LARP1B: variants seen among roughly 807,000 people sequenced by gnomAD.
The protein encoded by LARP1B is La ribonucleoprotein 1B.
Under a neutral mutation model 114.2 loss-of-function variants are expected in LARP1B, and 76 were observed. The observed-to-expected ratio is 0.67, with a 90% CI of 0.55 to 0.81. The LOEUF (loss-of-function observed/expected upper bound fraction) is 0.81, where lower values mean the gene tolerates loss of function less well. Among genes scored for constraint, LARP1B ranks in the 30% least tolerant of loss-of-function variants. The pLI is 0.00. For synonymous variants in LARP1B, 345 were observed against 348.0 expected, an observed-to-expected ratio of 0.99 and a Z score of 0.10; for missense variants, 1,014 against 1,075.8, an observed-to-expected ratio of 0.94 and a Z score of 0.80.
intron 5 of LARP1B, among the ~76,000 whole-genome samples, chr4:128,087,360 C>T (rs1305888741): frequency 6.6e-6 from 1 of 151,946 alleles, no homozygotes; most frequent in Non-Finnish European, 1.5e-5. Flanking sequence ...GATAAGAAGG[C>T]CTAAGGAAAT....
At chr4:128,196,365 A>G (rs1754123021) in intron 15 of LARP1B, among the ~76,000 whole-genome samples, 2 of 151,152 alleles carry the variant, frequency 1.3e-5, no homozygotes, top group African/African-American at 4.9e-5. Context: ...TAAAAATCCA[A>G]AAAATTAGCC....
At position 128,179,513 on chromosome 4, in the gene LARP1B, G is replaced by T; in HGVS notation, c.2003+1G>T. 6.5e-7 allele frequency: 1 copy of T among 1,546,494 alleles called. No individual in the cohort carries two copies. The highest frequency in any genetic ancestry group is 2.0e-5 in the Admixed American group (1 of 49,932). ...GTGGGCCAGGAACATCCTCTGTCAG[G>T]TACTATATTTCTCAAACATTACTTT... On this transcript the variant is annotated splice_donor_variant, in intron 15 of 19. Coordinates refer to ENST00000326639, the MANE Select transcript of LARP1B (RefSeq NM_018078.4). LOFTEE classifies it high-confidence loss of function.
intron 11 of LARP1B, among the ~76,000 whole-genome samples, chr4:128,136,568 T>C (rs904109697): frequency 2.0e-5 from 3 of 152,150 alleles, no homozygotes; most frequent in Non-Finnish European, 4.4e-5. Context: ...TCTAAGTGAT[T>C]TACTCTCTAA....
chr4:128,116,380 C>T (rs978520132), intron 10 of LARP1B, among the ~76,000 whole-genome samples: 15 of 152,258 alleles, frequency 9.9e-5, no homozygotes, highest in Admixed American at 3.3e-4. Context: ...TCTATTATTT[C>T]TTACAACTGT....
intron 11 of LARP1B, among the ~76,000 whole-genome samples, chr4:128,129,164 CAAAAAAAAAAAAAAAAAAAAAAA>C (rs559312234): frequency 3.9e-4 from 19 of 49,140 alleles, no homozygotes; most frequent in Middle Eastern, 0.012. Context: ...GACTCTGTCT[CAAAAAAAAAAAAAAAAAAAAAAA>C]AAAAAAAAAA....
intron 1 of LARP1B, among the ~76,000 whole-genome samples, chr4:128,071,604 T>A (rs1388174466): frequency 6.6e-6 from 1 of 151,752 alleles, no homozygotes; most frequent in Non-Finnish European, 1.5e-5. Flanking sequence ...ATATTTTTAG[T>A]AGAGATGGGG....
chr4:128,132,187 A>G (rs1791760978), intron 11 of LARP1B, among the ~76,000 whole-genome samples: 1 of 152,218 alleles, frequency 6.6e-6, no homozygotes, highest in Admixed American at 6.5e-5. Flanking sequence ...TGAATGTGGT[A>G]TATCCATACA....
In LARP1B at chr4:128,069,105, C is replaced by T. The variant is rs1764195018; in HGVS notation, c.-77-5355C>T. On this transcript the variant is annotated intron_variant, in intron 1 of 19. Transcript: ENST00000326639. Reference sequence around the variant, plus strand: ...AGTGTGGTGGCACTTAAGGCCCTTTCCAAGGCTATGGCTCTTTCGGCCTGC... The same window carrying T: ...AGTGTGGTGGCACTTAAGGCCCTTTTCAAGGCTATGGCTCTTTCGGCCTGC... 16 of 1,095,202 alleles carry T rather than the reference C, an allele frequency of 1.5e-5. 1 individual carries two copies. The highest frequency in any genetic ancestry group is 9.9e-5 in the South Asian group (8 of 80,620). 67.8% of individuals were successfully genotyped at this position (1,095,202 alleles called of 1,614,324 possible). A position where few individuals can be genotyped will look rare whatever the true frequency, so the allele number is the denominator to read the frequency against.
rs375759614 is a variant in LARP1B at position 128,158,978 on chromosome 4, T to C, written c.1525-3216T>C. 3.3e-5 allele frequency among the ~76,000 whole-genome samples: 5 copies of C among 151,254 alleles called. No homozygotes were observed. The East Asian group carries it at 9.8e-4, about 30-fold the overall frequency. ...TGAGGCCAGGAGTTCAAGACCAGTGTGGGCAACATAGTGAGACTTCATCTC... is the reference window on the plus strand; with the variant it reads ...TGAGGCCAGGAGTTCAAGACCAGTGCGGGCAACATAGTGAGACTTCATCTC... On this transcript the variant is annotated intron_variant, in intron 11 of 19. Coordinates refer to ENST00000326639, the MANE Select transcript of LARP1B (RefSeq NM_018078.4).
chr4:128,097,979 T>A (rs1580319982), intron 7 of LARP1B, among the ~76,000 whole-genome samples: 1 of 151,246 alleles, frequency 6.6e-6, no homozygotes, highest in African/African-American at 2.5e-5. Flanking sequence ...AAAATAATAT[T>A]TTAAGTTTAA....
chr4:128,178,381 A>G, intron 13 of LARP1B, 50 bp from the exon 14 acceptor site: 1 of 1,340,988 alleles, frequency 7.5e-7, no homozygotes, highest in Middle Eastern at 1.9e-4. Flanking sequence ...TTCTCAAAGT[A>G]AAATATTTTC....
chr4:128,176,093 GAT>G (rs1226245741), intron 12 of LARP1B, among the ~76,000 whole-genome samples: 5 of 138,644 alleles, frequency 3.6e-5, no homozygotes, highest in East Asian at 4.1e-4. Context: ...TCTCTCTCTC[GAT>G]ATATATATAT....
At chr4:128,093,676 C>T (rs1056667883) in intron 7 of LARP1B, among the ~76,000 whole-genome samples, 6 of 150,232 alleles carry the variant, frequency 4.0e-5, no homozygotes, top group Non-Finnish European at 8.9e-5. Flanking sequence ...GAGGCCTAAA[C>T]GTATTCAAAA....
intron 11 of LARP1B, among the ~76,000 whole-genome samples, chr4:128,153,689 A>T (rs1581072806): frequency 6.6e-6 from 1 of 151,850 alleles, no homozygotes; most frequent in East Asian, 1.9e-4. Context: ...GAAATGATAG[A>T]CTCTATTCTT....
chr4:128,170,171 G>T (rs1207902526), intron 12 of LARP1B, among the ~76,000 whole-genome samples: 1 of 151,964 alleles, frequency 6.6e-6, no homozygotes, highest in Non-Finnish European at 1.5e-5. Context: ...TATAGCCAGA[G>T]AACATACTTT....
intron 11 of LARP1B, among the ~76,000 whole-genome samples, chr4:128,150,105 C>T (rs896516108): frequency 2.6e-5 from 4 of 151,914 alleles, no homozygotes; most frequent in African/African-American, 4.8e-5. Context: ...GAGCCGAGAT[C>T]GTGCCACTGC....
intron 10 of LARP1B, among the ~76,000 whole-genome samples, chr4:128,121,591 C>T (rs1787999788): frequency 6.6e-6 from 1 of 152,200 alleles, no homozygotes; most frequent in Admixed American, 6.5e-5. Flanking sequence ...TAAGACTATT[C>T]CAACTCTAAA....
chr4:128,074,572 C>A, intron 2 of LARP1B, 54 bp downstream of exon 2: 2 of 404,422 alleles, frequency 4.9e-6, no homozygotes, highest in Non-Finnish European at 6.8e-6. Flanking sequence ...AAAATTGAGG[C>A]TAAGAACTCT....
At chr4:128,201,260 A>G (rs151041625) in intron 17 of LARP1B, among the ~76,000 whole-genome samples, 1 of 152,326 alleles carries the variant, frequency 6.6e-6, no homozygotes, top group Non-Finnish European at 1.5e-5. Flanking sequence ...ACAGTATAGG[A>G]GGGTACTACA....
Sources: allele counts gnomAD v4.1 joint callset (sites outside exome capture counted in the v4.1 genomes callset), GRCh38; gene constraint gnomAD v4.1.1; transcripts MANE v1.5; gene names NCBI Gene and HGNC (gene_info 2026-07-23, HGNC 2026-07-21).